RBBP7: variants seen among roughly 807,000 people sequenced by gnomAD.
The protein encoded by RBBP7 is histone-binding protein RBBP7.
Under a neutral mutation model 35.2 loss-of-function variants are expected in RBBP7, and 5 were observed. That is an observed-to-expected ratio of 0.14 (90% CI 0.07 to 0.30). RBBP7 has a LOEUF of 0.30. Among genes scored for constraint, RBBP7 ranks in the 10% least tolerant of loss-of-function variants. The pLI, the probability that RBBP7 is intolerant of heterozygous loss-of-function variation, is 1.00. For missense variants in RBBP7, 155 were observed against 327.5 expected, an observed-to-expected ratio of 0.47 and a Z score of 4.07; for synonymous variants, 140 against 118.7, an observed-to-expected ratio of 1.18 and a Z score of -1.17.
chrX:16,868,828 A>G (rs188481948), intron 2 of RBBP7, among the ~76,000 whole-genome samples: 1 of 112,169 alleles, frequency 8.9e-6, no homozygotes, highest in Admixed American at 9.4e-5. Flanking sequence ...AGCCCAGGAA[A>G]TGTCAAATAT....
chrX:16,864,489 T>C (rs1461444956), intron 2 of RBBP7, among the ~76,000 whole-genome samples: 1 of 92,355 alleles, frequency 1.1e-5, no homozygotes, highest in African/African-American at 4.4e-5. Context: ...ATCACACCAT[T>C]GCACTCCAGC....
In RBBP7 at chrX:16,863,049, C is replaced by T. The variant is rs754294189; in HGVS notation, c.213G>A (p.Thr71=). 3 of 1,210,014 alleles carry T rather than the reference C, an allele frequency of 2.5e-6. No homozygotes were observed. The highest frequency in any genetic ancestry group is 1.8e-5 in the South Asian group (1 of 56,955). The change falls in exon 3 of 12, where the codon ACG becomes ACA. Residue 71 remains threonine (T), a synonymous_variant. Transcript: ENST00000380087. Reference sequence around the variant, plus strand: ...CCACCAGATGATTCTGCTCATCAGACGTATGAGTCCCCAGCACTAGCCAAT... The same window carrying T: ...CCACCAGATGATTCTGCTCATCAGATGTATGAGTCCCCAGCACTAGCCAAT... The part of the protein sequence containing the change: ...ALHWLVLGTH[T]SDEQNHLVVA...
chrX:16,857,760 G>A, intron 4 of RBBP7, 51 bp from the exon 5 acceptor site: 1 of 1,174,060 alleles, frequency 8.5e-7, no homozygotes, highest in South Asian at 1.9e-5. Context: ...CAGAACTGGT[G>A]AGAATAAATT....
chrX:16,866,649 A>G (rs774307045), intron 2 of RBBP7, among the ~76,000 whole-genome samples: 1 of 110,913 alleles, frequency 9.0e-6, no homozygotes, highest in African/African-American at 3.3e-5. Context: ...GACAATAGCT[A>G]AGAAAGTCCA....
Position 16,844,837 on chromosome X carries a change from G to A in RBBP7, c.*198C>T. ...AATCAATGGTGATGTTCTTTCTTAAGCAACATTCTTCTCTTCCCTAATAGC... is the reference window on the plus strand; with the variant it reads ...AATCAATGGTGATGTTCTTTCTTAAACAACATTCTTCTCTTCCCTAATAGC... On this transcript the variant is annotated 3_prime_UTR_variant, in exon 12 of 12. Coordinates refer to ENST00000380087, the MANE Select transcript of RBBP7 (RefSeq NM_002893.4). 1 of 332,524 alleles carries A rather than the reference G, an allele frequency of 3.0e-6. No homozygotes were observed. The highest frequency in any genetic ancestry group is 4.5e-5 in the East Asian group (1 of 22,089). The allele number at this position is 332,524 out of a possible 1,213,427, so 27.4% of individuals were successfully genotyped here.
At chrX:16,857,519 A>G in intron 5 of RBBP7, 75 bp downstream of exon 5, 1 of 1,187,079 alleles carries the variant, frequency 8.4e-7, no homozygotes, top group South Asian at 1.9e-5. Flanking sequence ...TTTCATCTAT[A>G]TAGTACTCCT....
intron 1 of RBBP7, chrX:16,869,574 C>G (rs976834859): frequency 2.1e-5 from 24 of 1,164,863 alleles, no homozygotes; most frequent in African/African-American, 3.6e-5. Context: ...CAGAAGCCCA[C>G]AGGCCTGGTC....
At chrX:16,858,211 T>C (rs1037640962) in intron 4 of RBBP7, among the ~76,000 whole-genome samples, 15 of 111,944 alleles carry the variant, frequency 1.3e-4, no homozygotes, top group African/African-American at 4.2e-4. Flanking sequence ...GGCTTCACTA[T>C]TGGGGTCCTC....
At chrX:16,851,118 A>G (rs1271026617) in intron 9 of RBBP7, among the ~76,000 whole-genome samples, 36 of 72,662 alleles carry the variant, frequency 5.0e-4, no homozygotes, top group Non-Finnish European at 7.6e-4. Context: ...AGCAAGATTC[A>G]GTCTCCAAAA....
At chrX:16,850,049 A>G (rs1490331531) in intron 9 of RBBP7, among the ~76,000 whole-genome samples, 2 of 112,253 alleles carry the variant, frequency 1.8e-5, no homozygotes, top group Non-Finnish European at 3.8e-5. Flanking sequence ...CAACTACTAA[A>G]AAACAAAACC....
At chrX:16,845,592 A>G (rs780693235) in intron 11 of RBBP7, among the ~76,000 whole-genome samples, 1 of 112,470 alleles carries the variant, frequency 8.9e-6, no homozygotes, top group Non-Finnish European at 1.9e-5. Flanking sequence ...AATGAAAATC[A>G]GTGCAGATGC....
intron 5 of RBBP7, among the ~76,000 whole-genome samples, chrX:16,857,195 G>A (rs1192985692): frequency 8.0e-5 from 9 of 111,910 alleles, no homozygotes; most frequent in Non-Finnish European, 1.5e-4. Context: ...TTCAGAGAGC[G>A]AATGAAAACA....
rs1930025481 is a variant in RBBP7 at position 16,844,720 on chromosome X, C to A, written c.*315G>T. On this transcript the variant is annotated 3_prime_UTR_variant, in exon 12 of 12. Coordinates refer to ENST00000380087, the MANE Select transcript of RBBP7 (RefSeq NM_002893.4). Reference sequence around the variant, plus strand: ...GGAAGGAAAAAGTGTAAAAGTTATTCTTGCATATTTGGGAACAGCAAGCAC... The same window carrying A: ...GGAAGGAAAAAGTGTAAAAGTTATTATTGCATATTTGGGAACAGCAAGCAC... 1.3e-5 allele frequency: 2 copies of A among 154,252 alleles called. No individual in the cohort carries two copies. The highest frequency in any genetic ancestry group is 6.2e-5 in the African/African-American group (2 of 32,027). 12.7% of individuals were successfully genotyped at this position (154,252 alleles called of 1,213,427 possible).
rs1320543981 is a variant in RBBP7 at position 16,858,866 on chromosome X, GAAAC to G, written c.308-21_308-18del. 1 of 1,204,566 alleles carries G rather than the reference GAAAC, an allele frequency of 8.3e-7. No homozygotes were observed. The highest frequency in any genetic ancestry group is 3.0e-5 in the East Asian group (1 of 33,668). On this transcript the variant is annotated intron_variant, in intron 3 of 11. Transcript: ENST00000380087. ...CACCAAATTCTAATGTGAGGAGAAAGAAACACACACACACACACTCAGGATTAAA... is the reference window on the plus strand; with the variant it reads ...CACCAAATTCTAATGTGAGGAGAAAGACACACACACACACTCAGGATTAAA...
chrX:16,845,138 TC>T, intron 11 of RBBP7, 35 bp from the exon 12 acceptor site: 1 of 1,015,040 alleles, frequency 9.9e-7, no homozygotes, highest in Non-Finnish European at 1.4e-6. Context: ...AGGTAAAAAC[TC>T]CCTATGGTTT....
intron 5 of RBBP7, among the ~76,000 whole-genome samples, chrX:16,857,187 C>G (rs1263775234): frequency 3.6e-5 from 4 of 111,777 alleles, no homozygotes; most frequent in African/African-American, 1.3e-4. Flanking sequence ...ATTTCTCTTT[C>G]AGAGAGCGAA....
Position 16,852,038 on chromosome X carries a change from T to C in RBBP7, c.1040+8A>G, listed in dbSNP as rs771879596. The C allele has an allele frequency of 3.4e-6, 4 of 1,193,825 alleles. No homozygotes were observed. The South Asian group carries it at 7.1e-5, about 21-fold the overall frequency. On this transcript the variant is annotated splice_region_variant and intron_variant, in intron 9 of 11. Transcript: ENST00000380087. ...TATGCAGTATCTTGTCACAGGACTG[T>C]AAGTTACCTTAAATCCCACACATTC...
chrX:16,867,580 G>C (rs1243834718), intron 2 of RBBP7, among the ~76,000 whole-genome samples: 1 of 111,699 alleles, frequency 9.0e-6, no homozygotes, highest in Non-Finnish European at 1.9e-5. Context: ...GGGAAGCCTA[G>C]TGGAAATTCC....
chrX:16,855,865 T>G (rs1930334762), intron 5 of RBBP7, among the ~76,000 whole-genome samples: 1 of 107,409 alleles, frequency 9.3e-6, no homozygotes, highest in Non-Finnish European at 1.9e-5. Flanking sequence ...GGTGTGGTGG[T>G]GGGCGCCTGT....
Sources: allele counts gnomAD v4.1 joint callset (sites outside exome capture counted in the v4.1 genomes callset), GRCh38; gene constraint gnomAD v4.1.1; transcripts MANE v1.5; gene names NCBI Gene and HGNC (gene_info 2026-07-23, HGNC 2026-07-21).